PALS2: variants seen among roughly 807,000 people sequenced by gnomAD.
The protein encoded by PALS2 is protein PALS2.
In PALS2, 27 loss-of-function variants were observed where a neutral mutation model predicts 61.6. The observed-to-expected ratio is 0.44, with a 90% confidence interval of 0.32 to 0.60. The LOEUF is 0.60. Among genes scored for constraint, PALS2 ranks in the 20% least tolerant of loss-of-function variants. The pLI, the probability that PALS2 is intolerant of heterozygous loss-of-function variation, is 0.05. For missense variants in PALS2, 554 were observed against 639.4 expected (o/e 0.87, Z 1.44); for synonymous variants, 236 against 218.6 (o/e 1.08, Z -0.70).
intron 3 of PALS2, among the ~76,000 whole-genome samples, chr7:24,648,125 A>T (rs978652949): frequency 2.0e-5 from 3 of 152,112 alleles, no homozygotes; most frequent in African/African-American, 7.2e-5. Flanking sequence ...GTTTTATGAA[A>T]TGACCAGAAA....
chr7:24,625,530 G>T (rs989167522), intron 2 of PALS2, among the ~76,000 whole-genome samples: 30 of 152,164 alleles, frequency 2.0e-4, no homozygotes, highest in Admixed American at 1.3e-3. Flanking sequence ...GACAGATGAG[G>T]TTTAGGCCAT....
rs770989505 is a variant in PALS2 at position 24,618,739 on chromosome 7, G to A, written c.-2-4927G>A. On this transcript the variant is annotated intron_variant, in intron 1 of 11. Transcript: ENST00000222644. The surrounding 1 kb of genome is among the most constrained non-coding windows in gnomAD (Gnocchi z 5.1). The stretch of plus-strand genomic sequence containing the variant: ...TCTGACTCTGGGCCATTCCAGGCTC[G>A]GAGGATGGGATGGCAGAGGCAGGAT... 2.0e-5 allele frequency among the ~76,000 whole-genome samples: 3 copies of A among 152,218 alleles called. No individual in the cohort carries two copies. Among genetic ancestry groups the A allele is most frequent in the Admixed American group, 6.5e-5 (1 of 15,290 alleles).
chr7:24,602,964 T>C (rs140473636), intron 1 of PALS2, among the ~76,000 whole-genome samples: 2,460 of 152,286 alleles, frequency 0.016, 81 homozygotes, highest in African/African-American at 0.057. Flanking sequence ...AAGAGGTGCC[T>C]TCCACCATGA....
chr7:24,595,569 A>ATATATATAAATATATATTAAC (rs1562604397), intron 1 of PALS2, among the ~76,000 whole-genome samples: 2 of 122,296 alleles, frequency 1.6e-5, no homozygotes, highest in African/African-American at 6.5e-5. Context: ...CTATATATAA[A>ATATATATAAATATATATTAAC]TATATATAAA....
chr7:24,641,766 C>T lies in PALS2; in HGVS notation c.168C>T (p.Asn56=). The change falls in exon 3 of 12, where the codon AAC becomes AAT. Residue 56 remains asparagine, a synonymous_variant. Transcript: ENST00000222644. ...AACTAGAAGCTGTCAGTGACAATAACTTGGAATTAGTCAATGAAATTCTTG... is the reference window on the plus strand; with the variant it reads ...AACTAGAAGCTGTCAGTGACAATAATTTGGAATTAGTCAATGAAATTCTTG... ...DSKLEAVSDN[N]LELVNEILED... is the part of the protein sequence containing the mutation. 1 of 1,612,354 alleles carries T rather than the reference C, an allele frequency of 6.2e-7. No homozygotes were observed. Among genetic ancestry groups the T allele is most frequent in the South Asian group, 1.1e-5 (1 of 90,784 alleles).
chr7:24,597,633 T>A (rs762341033), intron 1 of PALS2, among the ~76,000 whole-genome samples: 7 of 152,140 alleles, frequency 4.6e-5, no homozygotes, highest in Non-Finnish European at 7.4e-5. Context: ...AACCCATGGA[T>A]CATGGTCCCA....
intron 1 of PALS2, among the ~76,000 whole-genome samples, chr7:24,597,363 A>C (rs1783562223): frequency 6.6e-6 from 1 of 152,160 alleles, no homozygotes; most frequent in Non-Finnish European, 1.5e-5. Flanking sequence ...GTCAGTTGTC[A>C]TTCCTGATCT....
intron 3 of PALS2, among the ~76,000 whole-genome samples, chr7:24,649,214 G>A (rs1045138257): frequency 1.3e-5 from 2 of 151,956 alleles, no homozygotes; most frequent in Non-Finnish European, 2.9e-5. Flanking sequence ...AATGTCATTT[G>A]AATTTGAATT....
At position 24,573,509 on chromosome 7, in the gene PALS2, C is replaced by T. The variant is rs1476620594; in HGVS notation, c.-87C>T. 1.0e-5 allele frequency: 4 copies of T among 386,330 alleles called. No homozygotes were observed. Among genetic ancestry groups the T allele is most frequent in the East Asian group, 7.3e-5 (2 of 27,372 alleles). The allele number at this position is 386,330 out of a possible 1,614,324, so 23.9% of individuals were successfully genotyped here. On this transcript the variant is annotated 5_prime_UTR_variant, in exon 1 of 12. Coordinates refer to ENST00000222644, the MANE Select transcript of PALS2 (RefSeq NM_001303037.2). The surrounding 1 kb of genome is among the most constrained non-coding windows in gnomAD (Gnocchi z 5.3). Reference sequence around the variant, plus strand: ...TTGCAGATGGGGCTGCTCGGCGGCGCCTGTGGCTGAGGGAGAGCAGCGGCG... The same window carrying T: ...TTGCAGATGGGGCTGCTCGGCGGCGTCTGTGGCTGAGGGAGAGCAGCGGCG...
intron 11 of PALS2, among the ~76,000 whole-genome samples, chr7:24,682,726 A>C (rs1787998252): frequency 6.6e-6 from 1 of 152,148 alleles, no homozygotes; most frequent in Admixed American, 6.5e-5. Context: ...ATCCCTTTAA[A>C]TCTGTAAATT....
chr7:24,623,749 A>G lies in PALS2; in HGVS notation c.82A>G (p.Ile28Val). ...EEIDLIFLKG[I>V]MENPIVKSLA... The stretch of plus-strand genomic sequence containing the variant: ...AATAGACCTAATTTTCCTCAAGGGA[A>G]TTATGGAGAATCCTATTGTAAAATC... Residue 28 changes from isoleucine to valine, a missense_variant, in exon 2 of 12, where the codon ATT becomes GTT. Ile to Val is a conservative substitution (Grantham distance 29, BLOSUM62 3). Coordinates refer to ENST00000222644, the MANE Select transcript of PALS2 (RefSeq NM_001303037.2). The G allele has an allele frequency of 6.3e-7, 1 of 1,598,426 alleles. No individual in the cohort carries two copies. Among genetic ancestry groups the G allele is most frequent in the Non-Finnish European group, 8.6e-7 (1 of 1,168,482 alleles).
chr7:24,654,088 G>A (rs565879285), intron 5 of PALS2, among the ~76,000 whole-genome samples: 1 of 151,986 alleles, frequency 6.6e-6, no homozygotes, highest in East Asian at 1.9e-4. Context: ...ATGATAAAAT[G>A]TAAGTCTATA....
At chr7:24,600,486 A>G (rs2128047186) in intron 1 of PALS2, among the ~76,000 whole-genome samples, 1 of 152,326 alleles carries the variant, frequency 6.6e-6, no homozygotes, top group Admixed American at 6.5e-5. Context: ...TAATATTCAA[A>G]TGTGAATTAT....
chr7:24,680,350 C>T (rs748165573), intron 10 of PALS2, 42 bp from the exon 11 acceptor site: 3 of 1,574,032 alleles, frequency 1.9e-6, no homozygotes, highest in South Asian at 2.2e-5. Context: ...AATTCTAGTT[C>T]TAATATTGTA....
intron 2 of PALS2, among the ~76,000 whole-genome samples, chr7:24,625,542 T>C (rs1784703622): frequency 6.6e-6 from 1 of 152,228 alleles, no homozygotes; most frequent in South Asian, 2.1e-4. Flanking sequence ...TTAGGCCATG[T>C]GTTCTATCAT....
At chr7:24,639,746 G>C (rs1396740813) in intron 2 of PALS2, among the ~76,000 whole-genome samples, 1 of 148,606 alleles carries the variant, frequency 6.7e-6, no homozygotes, top group Non-Finnish European at 1.5e-5. Context: ...TCCTTATCTG[G>C]CTTGTATTAT....
Position 24,660,929 on chromosome 7 carries a change from G to C in PALS2, c.652-2661G>C, listed in dbSNP as rs757472031. ...ATCTGATAGGAAAAAATGTTATAAAGTAGTTTTAATTTGTATTTCTACTCT... is the reference window on the plus strand; with the variant it reads ...ATCTGATAGGAAAAAATGTTATAAACTAGTTTTAATTTGTATTTCTACTCT... On this transcript the variant is annotated intron_variant, in intron 5 of 11. Transcript: ENST00000222644. 5.9e-5 allele frequency among the ~76,000 whole-genome samples: 9 copies of C among 152,272 alleles called. No homozygotes were observed. In the South Asian group the frequency reaches 1.0e-3, roughly 18 times the overall value.
At chr7:24,667,484 G>A (rs966789605) in intron 8 of PALS2, among the ~76,000 whole-genome samples, 1 of 151,942 alleles carries the variant, frequency 6.6e-6, no homozygotes, top group African/African-American at 2.4e-5. Flanking sequence ...AAGCAACCAC[G>A]CTAGGTTTAC....
chr7:24,626,597 A>G (rs747612435), intron 2 of PALS2, among the ~76,000 whole-genome samples: 6 of 152,196 alleles, frequency 3.9e-5, no homozygotes, highest in Non-Finnish European at 8.8e-5. Flanking sequence ...TGGATAAAGA[A>G]TCAAGACCCA....
Sources: gnomAD v4.1 joint callset for allele counts (sites outside exome capture counted in the v4.1 genomes callset) on GRCh38, gnomAD v4.1.1 for gene constraint, Gnocchi (gnomAD v3.1) non-coding constraint, MANE v1.5 for transcripts, NCBI Gene and HGNC (gene_info 2026-07-23, HGNC 2026-07-21) for gene names.